The following RAB1A variants were observed in gnomAD, a reference collection of about 807,000 sequenced individuals.
RAB1A encodes the protein RAB1A, member RAS oncogene family.
RAB1A carries 2 observed loss-of-function variants against 26.0 expected under a neutral mutation model. The observed-to-expected ratio is 0.08, with a 90% CI of 0.03 to 0.24. The LOEUF (loss-of-function observed/expected upper bound fraction) is 0.24. Ranked by LOEUF, RAB1A falls within the 10% of genes least tolerant of loss-of-function variation. The pLI is 1.00. For missense variants in RAB1A, 100 were observed against 247.0 expected (o/e 0.40, Z 3.99); for synonymous variants, 84 against 84.9 (o/e 0.99, Z 0.06).
intron 1 of RAB1A, among the ~76,000 whole-genome samples, chr2:65,116,152 A>C (rs1669820332): frequency 1.3e-5 from 2 of 152,058 alleles, no homozygotes; most frequent in Admixed American, 1.3e-4. Context: ...GTGAGACTCC[A>C]TCTCAAAAAA....
At position 65,089,257 on chromosome 2, in the gene RAB1A, G is replaced by A. The variant is rs530547624; in HGVS notation, c.289-187C>T. ...AGACAGGGTCTTGCTCTGTCACCTA[G>A]GCCGGAGTGCAGTGGCACAATCACA... On this transcript the variant is annotated intron_variant, in intron 4 of 5. Transcript: ENST00000409784. Among the ~76,000 whole-genome samples the A allele has an allele frequency of 1.3e-5, 2 of 152,162 alleles. 1 individual carries two copies. The highest frequency in any genetic ancestry group is 4.1e-4 in the South Asian group (2 of 4,820).
At chr2:65,114,037 T>A (rs1404972146) in intron 1 of RAB1A, 3 of 322,248 alleles carry the variant, frequency 9.3e-6, no homozygotes, top group Admixed American at 3.5e-5. Flanking sequence ...AGCACACCTA[T>A]CATAACACAA....
chr2:65,095,833 G>A (rs917220285), intron 3 of RAB1A, among the ~76,000 whole-genome samples: 2 of 151,412 alleles, frequency 1.3e-5, no homozygotes, highest in African/African-American at 2.4e-5. Flanking sequence ...CCAACATGGC[G>A]AAATCCCATC....
At chr2:65,124,928 G>C (rs914468191) in intron 1 of RAB1A, among the ~76,000 whole-genome samples, 1 of 151,670 alleles carries the variant, frequency 6.6e-6, no homozygotes, top group African/African-American at 2.4e-5. Context: ...GAGAATACTA[G>C]TTATCTTTCT....
chr2:65,116,967 A>G (rs1669841013), intron 1 of RAB1A, among the ~76,000 whole-genome samples: 1 of 152,224 alleles, frequency 6.6e-6, no homozygotes, highest in Admixed American at 6.5e-5. Context: ...CTGAGAATGG[A>G]TACAATTAAT....
chr2:65,123,801 C>G (rs936903810), intron 1 of RAB1A, among the ~76,000 whole-genome samples: 1 of 149,752 alleles, frequency 6.7e-6, no homozygotes. Context: ...ACTCCAGTGA[C>G]AAAGTGAGAC....
At chr2:65,106,814 GT>G (rs1669573219) in intron 1 of RAB1A, among the ~76,000 whole-genome samples, 1 of 151,436 alleles carries the variant, frequency 6.6e-6, no homozygotes, top group Non-Finnish European at 1.5e-5. Flanking sequence ...GTACTTGGCA[GT>G]TCAGCTGGCT....
chr2:65,102,133 G>A (rs1669445344), intron 2 of RAB1A, among the ~76,000 whole-genome samples: 1 of 152,092 alleles, frequency 6.6e-6, no homozygotes, highest in South Asian at 2.1e-4. Context: ...TCTTGTTGAT[G>A]TGCAAATGTG....
At chr2:65,104,086 T>C (rs1165067752) in intron 2 of RAB1A, among the ~76,000 whole-genome samples, 1 of 152,264 alleles carries the variant, frequency 6.6e-6, no homozygotes, top group Admixed American at 6.5e-5. Flanking sequence ...CCAGGAAACA[T>C]GCTAAATTTA....
intron 1 of RAB1A, among the ~76,000 whole-genome samples, chr2:65,114,851 C>CA (rs369583615): frequency 0.26 from 20,692 of 78,636 alleles, 1,532 homozygotes; most frequent in South Asian, 0.32. Context: ...GACTCCGTCT[C>CA]AAAAAAAAAA....
chr2:65,119,119 C>CT (rs1669891253), intron 1 of RAB1A, among the ~76,000 whole-genome samples: 1 of 151,598 alleles, frequency 6.6e-6, no homozygotes, highest in Non-Finnish European at 1.5e-5. Context: ...ATGGGAGGAT[C>CT]ACCAGAGCCT....
intron 1 of RAB1A, among the ~76,000 whole-genome samples, chr2:65,115,769 A>G: frequency 6.6e-6 from 1 of 152,196 alleles, no homozygotes. Flanking sequence ...TCCCATAATC[A>G]ACCACTAAAA....
chr2:65,102,945 G>A (rs1256489401), intron 2 of RAB1A, among the ~76,000 whole-genome samples: 1 of 150,972 alleles, frequency 6.6e-6, no homozygotes, highest in Non-Finnish European at 1.5e-5. Flanking sequence ...AAAAGAAATG[G>A]TGTTCCACAG....
At chr2:65,113,617 A>C (rs1317181074) in intron 1 of RAB1A, among the ~76,000 whole-genome samples, 1 of 152,254 alleles carries the variant, frequency 6.6e-6, no homozygotes, top group Non-Finnish European at 1.5e-5. Flanking sequence ...TCAGTTCAAA[A>C]TTCTATTTAG....
rs559702408 is a variant in RAB1A, at chr2:65,093,968, C to T, written c.193-2890G>A. Among the ~76,000 whole-genome samples, 843 of 101,148 alleles carry T rather than the reference C, an allele frequency of 8.3e-3. 10 individuals are homozygous for T. The highest frequency in any genetic ancestry group is 0.026 in the African/African-American group (791 of 30,724). The allele number at this position is 101,148 out of a possible 152,430, so 66.4% of individuals were successfully genotyped here. A position where few individuals can be genotyped will look rare whatever the true frequency, so the allele number is the denominator to read the frequency against. On this transcript the variant is annotated intron_variant, in intron 3 of 5. Transcript: ENST00000409784. ...CCAGTCACAGAAGTGTAAAGTGAGA[C>T]CCTCTTCTTTTTTTTTTTTGAAACA...
chr2:65,096,124 G>C (rs1669277255), intron 3 of RAB1A, among the ~76,000 whole-genome samples: 1 of 151,832 alleles, frequency 6.6e-6, no homozygotes, highest in African/African-American at 2.4e-5. Flanking sequence ...CTGCACTCCA[G>C]CCTGGGCGAC....
intron 1 of RAB1A, among the ~76,000 whole-genome samples, chr2:65,123,149 G>C (rs1323943842): frequency 6.6e-6 from 1 of 151,640 alleles, no homozygotes; most frequent in Admixed American, 6.6e-5. Context: ...GAATATAGCA[G>C]GATGTTAGCA....
chr2:65,113,218 T>G (rs1669742252), intron 1 of RAB1A, among the ~76,000 whole-genome samples: 1 of 152,212 alleles, frequency 6.6e-6, no homozygotes, highest in Non-Finnish European at 1.5e-5. Flanking sequence ...GAGTTCAATT[T>G]CCATTATTTG....
chr2:65,116,922 G>A (rs1179098250), intron 1 of RAB1A, among the ~76,000 whole-genome samples: 1 of 152,196 alleles, frequency 6.6e-6, no homozygotes, highest in Non-Finnish European at 1.5e-5. Context: ...TGACCTCTAA[G>A]TCTCCAAGTT....
Sources: gnomAD v4.1 joint callset for allele counts (sites outside exome capture counted in the v4.1 genomes callset) on GRCh38, gnomAD v4.1.1 for gene constraint, MANE v1.5 for transcripts, NCBI Gene and HGNC (gene_info 2026-07-23, HGNC 2026-07-21) for gene names.